Variants in MAGI2 observed in about 807,000 individuals in gnomAD.
MAGI2 encodes the protein membrane-associated guanylate kinase, WW and PDZ domain-containing protein 2.
In MAGI2, 35 loss-of-function variants were observed where a neutral mutation model predicts 133.3. That is an observed-to-expected ratio of 0.26 (90% CI 0.20 to 0.35). The LOEUF is 0.35. MAGI2 is among the 10% of genes least tolerant of loss of function. MAGI2 has a pLI of 1.00. For missense variants in MAGI2, 1,636 were observed against 1,863.4 expected, an observed-to-expected ratio of 0.88 and a Z score of 2.25; for synonymous variants, 729 against 710.6, an observed-to-expected ratio of 1.03 and a Z score of -0.41.
At chr7:79,395,135 C>G (rs1443578871) in intron 1 of MAGI2, among the ~76,000 whole-genome samples, 10 of 151,992 alleles carry the variant, frequency 6.6e-5, no homozygotes, top group African/African-American at 2.4e-4. Flanking sequence ...AAAATAAGCC[C>G]AAAGTTTAAA....
intron 6 of MAGI2, among the ~76,000 whole-genome samples, chr7:78,447,314 T>A (rs1246584501): frequency 6.6e-6 from 1 of 151,934 alleles, no homozygotes; most frequent in East Asian, 1.9e-4. Flanking sequence ...CCTCATAAAT[T>A]TACCATTTTT....
chr7:78,969,469 C>A (rs1056824602), intron 2 of MAGI2, among the ~76,000 whole-genome samples: 1 of 152,024 alleles, frequency 6.6e-6, no homozygotes, highest in African/African-American at 2.4e-5. Context: ...CATTAATGAT[C>A]TTGGCGAGAG....
chr7:79,221,237 A>G (rs1377615211), intron 1 of MAGI2, among the ~76,000 whole-genome samples: 1 of 152,102 alleles, frequency 6.6e-6, no homozygotes, highest in African/African-American at 2.4e-5. Flanking sequence ...TCTTATTTTT[A>G]AATTAGAAAA....
intron 1 of MAGI2, among the ~76,000 whole-genome samples, chr7:79,109,037 C>T (rs1339083234): frequency 3.9e-5 from 6 of 152,194 alleles, no homozygotes; most frequent in African/African-American, 1.4e-4. Context: ...GCCTGCAGAA[C>T]CATGAGCCAA....
intron 2 of MAGI2, among the ~76,000 whole-genome samples, chr7:78,630,788 ACT>A (rs1276153705): frequency 6.6e-6 from 1 of 151,834 alleles, no homozygotes; most frequent in East Asian, 1.9e-4. Context: ...CATTAAATAA[ACT>A]CTCTCCTTGA....
chr7:78,952,251 G>T (rs762887252), intron 2 of MAGI2, among the ~76,000 whole-genome samples: 1 of 152,130 alleles, frequency 6.6e-6, no homozygotes, highest in South Asian at 2.1e-4. Context: ...TGGGGTCATT[G>T]TCTCTGCCAT....
At chr7:78,991,724 T>C (rs531730082) in intron 2 of MAGI2, among the ~76,000 whole-genome samples, 74 of 152,072 alleles carry the variant, frequency 4.9e-4, no homozygotes, top group Non-Finnish European at 3.2e-4. Flanking sequence ...AGGCTCTATT[T>C]ACTAATGGAT....
At chr7:78,358,212 T>C (rs1398967610) in intron 7 of MAGI2, 7 of 85,776 alleles carry the variant, frequency 8.2e-5, no homozygotes, top group African/African-American at 2.3e-4. Flanking sequence ...TATATATATA[T>C]ATATATATAT....
intron 20 of MAGI2, among the ~76,000 whole-genome samples, chr7:78,124,222 T>G (rs1349353162): frequency 6.6e-6 from 1 of 152,188 alleles, no homozygotes. Context: ...GCTGGCCTTA[T>G]AGCAGGTTAA....
rs1794339115 is a variant in MAGI2, at chr7:78,498,602, A to G, written c.965+2975T>C. Among the ~76,000 whole-genome samples the G allele has an allele frequency of 2.0e-5, 3 of 152,210 alleles. No homozygotes were observed. The South Asian group carries it at 6.2e-4, about 31-fold the overall frequency. Reference sequence around the variant, plus strand: ...CATAGGCAGAGAGAGAGGAAACTGCAACGTTGTTGGTGGTGATGGTATGGA... The same window carrying G: ...CATAGGCAGAGAGAGAGGAAACTGCGACGTTGTTGGTGGTGATGGTATGGA... On this transcript the variant is annotated intron_variant, in intron 5 of 21. Coordinates refer to ENST00000354212, the MANE Select transcript of MAGI2 (RefSeq NM_012301.4).
intron 2 of MAGI2, among the ~76,000 whole-genome samples, chr7:78,994,745 G>C (rs552170774): frequency 3.3e-5 from 5 of 152,112 alleles, no homozygotes; most frequent in African/African-American, 1.2e-4. Flanking sequence ...CTGAAAAATG[G>C]GAACCACAAC....
chr7:78,444,211 C>T (rs1787901564), intron 6 of MAGI2, among the ~76,000 whole-genome samples: 1 of 152,062 alleles, frequency 6.6e-6, no homozygotes, highest in Non-Finnish European at 1.5e-5. Flanking sequence ...TCATAAACAA[C>T]TCAGTTAGTT....
chr7:78,835,547 A>C (rs1791547017), intron 2 of MAGI2, among the ~76,000 whole-genome samples: 1 of 152,184 alleles, frequency 6.6e-6, no homozygotes, highest in Admixed American at 6.6e-5. Context: ...TATCTGTGAG[A>C]AGCAGATGAG....
At chr7:78,066,618 C>G (rs1813857548) in intron 21 of MAGI2, among the ~76,000 whole-genome samples, 1 of 152,252 alleles carries the variant, frequency 6.6e-6, no homozygotes, top group East Asian at 1.9e-4. Flanking sequence ...TCGTGGTGGT[C>G]TTGGTCTGAA....
intron 1 of MAGI2, among the ~76,000 whole-genome samples, chr7:79,028,215 AAAT>A (rs1485023216): frequency 6.5e-5 from 8 of 123,924 alleles, no homozygotes; most frequent in African/African-American, 1.3e-4. Flanking sequence ...CATCTCAAAA[AAAT>A]ATATATATAT....
At chr7:79,412,395 T>G (rs1455979281) in intron 1 of MAGI2, 2 of 152,116 alleles carry the variant, frequency 1.3e-5, no homozygotes, top group African/African-American at 2.4e-5. Flanking sequence ...GAGCTATCAT[T>G]AAGTGTAAAA....
At chr7:78,645,095 C>CCTGTATATGT (rs1810718925) in intron 2 of MAGI2, among the ~76,000 whole-genome samples, 1 of 151,368 alleles carries the variant, frequency 6.6e-6, no homozygotes, top group Admixed American at 6.6e-5. Flanking sequence ...CAGTAGATAG[C>CCTGTATATGT]CTGTATATGT....
At chr7:78,387,697 C>T (rs1040550151) in intron 6 of MAGI2, among the ~76,000 whole-genome samples, 2 of 152,088 alleles carry the variant, frequency 1.3e-5, no homozygotes, top group Admixed American at 6.6e-5. Context: ...GAGGCTGAGG[C>T]GGGCAGATTG....
chr7:78,807,409 T>C (rs539942712), intron 2 of MAGI2, among the ~76,000 whole-genome samples: 1 of 152,194 alleles, frequency 6.6e-6, no homozygotes, highest in East Asian at 1.9e-4. Flanking sequence ...CTGAATCTCT[T>C]TAATGTCTGG....
Sources: gnomAD v4.1 joint callset for allele counts (sites outside exome capture counted in the v4.1 genomes callset) on GRCh38, gnomAD v4.1.1 for gene constraint, MANE v1.5 for transcripts, NCBI Gene and HGNC (gene_info 2026-07-23, HGNC 2026-07-21) for gene names.